Variants in DDX59 observed in about 807,000 individuals in gnomAD.
DDX59 encodes probable ATP-dependent RNA helicase DDX59.
A neutral mutation model predicts 51.9 loss-of-function variants in DDX59; 30 were observed. That is an observed-to-expected ratio of 0.58 (90% confidence interval 0.43 to 0.78). The LOEUF (loss-of-function observed/expected upper bound fraction) is 0.78, where lower values mean the gene tolerates loss of function less well. Among genes scored for constraint, DDX59 ranks in the 30% least tolerant of loss-of-function variants. The pLI is 0.00. For missense variants in DDX59, 672 were observed against 730.8 expected (o/e 0.92, Z 0.93); for synonymous variants, 255 against 253.3 (o/e 1.01, Z -0.06).
chr1:200,659,019 C>T lies in DDX59; in HGVS notation c.1062+8G>A. Reference sequence around the variant, plus strand: ...TCATGTAACTGTTTTTTAAATACCACTACTTACTTCATCTACTACCACAAT... The same window carrying T: ...TCATGTAACTGTTTTTTAAATACCATTACTTACTTCATCTACTACCACAAT... On this transcript the variant is annotated splice_region_variant and intron_variant, in intron 4 of 7. Transcript: ENST00000331314. 6.3e-7 allele frequency: 1 copy of T among 1,599,970 alleles called. No homozygotes were observed. The highest frequency in any genetic ancestry group is 8.5e-7 in the Non-Finnish European group (1 of 1,170,758).
chr1:200,652,298 A>C lies in DDX59; in HGVS notation c.1063-1622T>G, dbSNP rs568642297. Among the ~76,000 whole-genome samples the C allele has an allele frequency of 7.2e-5, 11 of 152,200 alleles. No individual in the cohort carries two copies. In the South Asian group the frequency reaches 2.3e-3, roughly 32 times the overall value. Reference sequence around the variant, plus strand: ...CTTCTAAGCAGCTGGGACTATAGGTACAAGCCAGGGCACCCAGCTCAGCAT... The same window carrying C: ...CTTCTAAGCAGCTGGGACTATAGGTCCAAGCCAGGGCACCCAGCTCAGCAT... On this transcript the variant is annotated intron_variant, in intron 4 of 7. Coordinates refer to ENST00000331314, the MANE Select transcript of DDX59 (RefSeq NM_001031725.6).
intron 7 of DDX59, among the ~76,000 whole-genome samples, chr1:200,647,703 G>A (rs1339236654): frequency 6.6e-6 from 1 of 151,734 alleles, no homozygotes; most frequent in East Asian, 1.9e-4. Flanking sequence ...CAGGCGTGGT[G>A]GCTCACGCCT....
downstream of DDX59, among the ~76,000 whole-genome samples, chr1:200,642,588 A>C (rs1661079818): frequency 6.6e-6 from 1 of 152,200 alleles, no homozygotes; most frequent in Non-Finnish European, 1.5e-5. Context: ...GAGACAAGGA[A>C]GTTGCCAAAG....
downstream of DDX59, chr1:200,643,960 C>G (rs1244885274): frequency 3.8e-6 from 1 of 264,350 alleles, no homozygotes; most frequent in Non-Finnish European, 5.9e-6. Flanking sequence ...TGATCCGAGT[C>G]AGAGTCTTTG....
At position 200,650,350 on chromosome 1, in the gene DDX59, C is replaced by A. The variant is rs2808230; in HGVS notation, c.1314+75G>T. On this transcript the variant is annotated intron_variant, in intron 5 of 7. Transcript: ENST00000331314. ...ATCAAATTCCCTGAAAGTTCAATCT[C>A]AAAATCATTCTCTTAAGAGCTGTGA... The A allele has an allele frequency of 1, 1,443,684 of 1,447,064 alleles. 720,211 individuals are homozygous for A. The highest frequency in any genetic ancestry group is 1 in the South Asian group (67,440 of 67,440). The allele number at this position is 1,447,064 out of a possible 1,614,324, so 89.6% of individuals were successfully genotyped here.
chr1:200,661,096 G>GT (rs986701413), intron 3 of DDX59, among the ~76,000 whole-genome samples: 3 of 152,210 alleles, frequency 2.0e-5, no homozygotes, highest in Admixed American at 6.5e-5. Context: ...AAAGAAAAAT[G>GT]TAAGTATGGA....
chr1:200,648,352 G>T, intron 7 of DDX59, 87 bp downstream of exon 7: 1 of 1,568,234 alleles, frequency 6.4e-7, no homozygotes, highest in Non-Finnish European at 8.7e-7. Context: ...GGCCGATACT[G>T]CTTTCTTAAA....
At chr1:200,642,225 G>A (rs182603933), downstream of DDX59, among the ~76,000 whole-genome samples, 1 of 152,084 alleles carries the variant, frequency 6.6e-6, no homozygotes, top group African/African-American at 2.4e-5. Flanking sequence ...ATGTCTGAGA[G>A]TGTATGTGAT....
chr1:200,658,099 C>T (rs938352436), intron 4 of DDX59, among the ~76,000 whole-genome samples: 4 of 152,156 alleles, frequency 2.6e-5, no homozygotes, highest in African/African-American at 9.7e-5. Flanking sequence ...CAGGCTAAGA[C>T]ACTATCCTGG....
chr1:200,662,176 T>C (rs1398343353), intron 3 of DDX59, among the ~76,000 whole-genome samples: 1 of 152,210 alleles, frequency 6.6e-6, no homozygotes, highest in East Asian at 1.9e-4. Flanking sequence ...TATTTCTTTA[T>C]AGCAGTGCAA....
At chr1:200,669,444 C>CGGGACGG (rs1663009525) in intron 1 of DDX59, 1 of 152,650 alleles carries the variant, frequency 6.6e-6, no homozygotes, top group Non-Finnish European at 1.5e-5. Flanking sequence ...TCCTGCTGGG[C>CGGGACGG]GGGACGGCGG....
At chr1:200,667,256 C>G (rs1662828102) in intron 1 of DDX59, among the ~76,000 whole-genome samples, 1 of 152,146 alleles carries the variant, frequency 6.6e-6, no homozygotes, top group African/African-American at 2.4e-5. Flanking sequence ...CAAAAATTAG[C>G]TGGGCATGGT....
At chr1:200,648,998 T>A in intron 6 of DDX59, 76 bp downstream of exon 6, 1 of 1,387,594 alleles carries the variant, frequency 7.2e-7, no homozygotes, top group East Asian at 2.4e-5. Flanking sequence ...AAAAACCAGC[T>A]GTAATATGGT....
At chr1:200,646,397 A>G (rs1661298581) in intron 7 of DDX59, among the ~76,000 whole-genome samples, 1 of 152,210 alleles carries the variant, frequency 6.6e-6, no homozygotes, top group Non-Finnish European at 1.5e-5. Context: ...CTTCTAGAGT[A>G]TACAAAGAAC....
chr1:200,641,051 C>T (rs1661033921), downstream of DDX59: 10 of 613,520 alleles, frequency 1.6e-5, no homozygotes, highest in East Asian at 6.8e-5. Flanking sequence ...TATGCCTTGG[C>T]GGCAACAAAA....
intron 1 of DDX59, among the ~76,000 whole-genome samples, chr1:200,668,845 G>T (rs887264356): frequency 6.6e-6 from 1 of 152,194 alleles, no homozygotes; most frequent in Admixed American, 6.5e-5. Context: ...TCTCTAGCCT[G>T]AACATTCCTT....
At chr1:200,668,163 C>T (rs1010208117) in intron 1 of DDX59, among the ~76,000 whole-genome samples, 4 of 152,042 alleles carry the variant, frequency 2.6e-5, no homozygotes, top group East Asian at 3.9e-4. Context: ...AAAAATTAGC[C>T]GGGCGTTGGC....
intron 4 of DDX59, among the ~76,000 whole-genome samples, chr1:200,651,737 G>A (rs571564172): frequency 5.3e-5 from 8 of 152,226 alleles, no homozygotes; most frequent in East Asian, 3.9e-4. Flanking sequence ...AGCCGGGCAC[G>A]GTGGCTCACA....
chr1:200,654,574 A>C (rs1285692001), intron 4 of DDX59: 1 of 152,156 alleles, frequency 6.6e-6, no homozygotes, highest in Non-Finnish European at 1.5e-5. Flanking sequence ...AACTTGGGCA[A>C]ACACTGTGCT....
Sources: allele counts gnomAD v4.1 joint callset (sites outside exome capture counted in the v4.1 genomes callset), GRCh38; gene constraint gnomAD v4.1.1; transcripts MANE v1.5; gene names NCBI Gene and HGNC (gene_info 2026-07-23, HGNC 2026-07-21).